The following CFAP299 variants were observed in gnomAD, a reference collection of about 807,000 sequenced individuals.
CFAP299 encodes cilia- and flagella-associated protein 299.
CFAP299 carries 21 observed loss-of-function variants against 27.0 expected under a neutral mutation model. That is an observed-to-expected ratio of 0.78 (90% CI 0.55 to 1.12). CFAP299 has a LOEUF of 1.12. Among genes scored for constraint, CFAP299 ranks in the 50% most tolerant of loss-of-function variants. The pLI is 0.00. For missense variants in CFAP299, 310 were observed against 276.6 expected (o/e 1.12, Z -0.86); for synonymous variants, 104 against 98.1 (o/e 1.06, Z -0.36).
chr4:80,766,426 C>A (rs989019014), intron 3 of CFAP299, among the ~76,000 whole-genome samples: 1 of 152,108 alleles, frequency 6.6e-6, no homozygotes, highest in Non-Finnish European at 1.5e-5. Flanking sequence ...ATCTCCTTTA[C>A]AAAGATACAA....
intron 3 of CFAP299, among the ~76,000 whole-genome samples, chr4:80,781,091 G>A (rs1726850327): frequency 6.6e-6 from 1 of 151,780 alleles, no homozygotes; most frequent in South Asian, 2.1e-4. Context: ...AGTATATTAG[G>A]TAAAGAAAGA....
chr4:80,581,737 C>T (rs1238106360), intron 2 of CFAP299, among the ~76,000 whole-genome samples: 1 of 151,646 alleles, frequency 6.6e-6, no homozygotes, highest in African/African-American at 2.4e-5. Context: ...TCATCTCTTT[C>T]TAAAGGTTTG....
Position 80,777,073 on chromosome 4 carries a change from G to T in CFAP299, c.334-92920G>T, listed in dbSNP as rs148994722. 2.5e-3 allele frequency among the ~76,000 whole-genome samples: 377 copies of T among 151,742 alleles called. 1 individual carries two copies. The highest frequency in any genetic ancestry group is 8.3e-3 in the African/African-American group (341 of 41,314). ...ACACACTCAAATTTGATTATTTATT[G>T]CTTCCTGAAGGATGGCTCCCCAGAT... On this transcript the variant is annotated intron_variant, in intron 3 of 5. Transcript: ENST00000358105.
intron 3 of CFAP299, among the ~76,000 whole-genome samples, chr4:80,595,508 T>C (rs1307120617): frequency 2.6e-5 from 4 of 152,220 alleles, no homozygotes; most frequent in Admixed American, 6.5e-5. Flanking sequence ...AATTTGTATG[T>C]ATCTGTTGCT....
chr4:80,340,333 C>A (rs938192745), intron 1 of CFAP299, among the ~76,000 whole-genome samples: 16 of 152,156 alleles, frequency 1.1e-4, no homozygotes, highest in African/African-American at 3.9e-4. Flanking sequence ...GCCACTTTAC[C>A]AGGGCCTTCC....
the CFAP299 span, among the ~76,000 whole-genome samples, chr4:80,324,070 C>A: frequency 6.6e-6 from 1 of 152,138 alleles, no homozygotes; most frequent in African/African-American, 2.4e-5. Context: ...CTGCTCCTAT[C>A]AACCCGTCAT....
chr4:80,638,177 A>G (rs546647200), intron 3 of CFAP299, among the ~76,000 whole-genome samples: 14 of 152,284 alleles, frequency 9.2e-5, no homozygotes, highest in Middle Eastern at 6.8e-3. Flanking sequence ...GTAGACCAGA[A>G]ACAAGTAACT....
At chr4:80,413,261 G>T (rs1055966386) in intron 2 of CFAP299, among the ~76,000 whole-genome samples, 1 of 152,164 alleles carries the variant, frequency 6.6e-6, no homozygotes, top group Non-Finnish European at 1.5e-5. Context: ...ATTGACTATG[G>T]TGCTGGCTGT....
At chr4:80,662,411 G>GA (rs5859731) in intron 3 of CFAP299, among the ~76,000 whole-genome samples, 24 of 143,978 alleles carry the variant, frequency 1.7e-4, no homozygotes, top group African/African-American at 2.6e-4. Context: ...AATTTCCCCC[G>GA]AAAAAAAAAA....
rs545276405 is a variant in CFAP299, at chr4:80,430,864, C to A, written c.242+67980C>A. 4.5e-4 allele frequency among the ~76,000 whole-genome samples: 69 copies of A among 152,356 alleles called. 1 individual carries two copies. The highest frequency in any genetic ancestry group is 1.6e-3 in the African/African-American group (67 of 41,594). On this transcript the variant is annotated intron_variant, in intron 2 of 5. Transcript: ENST00000358105. Reference sequence around the variant, plus strand: ...TAGCCCTAGCTTTCTCCGCTTCAGCCATTCTAGCCTCTTTGCTGTTCCTTT... The same window carrying A: ...TAGCCCTAGCTTTCTCCGCTTCAGCAATTCTAGCCTCTTTGCTGTTCCTTT...
chr4:80,563,164 A>C (rs1735122910), intron 2 of CFAP299, among the ~76,000 whole-genome samples: 1 of 152,070 alleles, frequency 6.6e-6, no homozygotes, highest in Non-Finnish European at 1.5e-5. Flanking sequence ...ACAACAAAAA[A>C]ATCAGACTTA....
At chr4:80,324,939 A>G in the CFAP299 span, among the ~76,000 whole-genome samples, 2 of 152,186 alleles carry the variant, frequency 1.3e-5, no homozygotes, top group Admixed American at 6.5e-5. Flanking sequence ...CCTGGCCAAC[A>G]TGGCAAAACC....
intron 3 of CFAP299, among the ~76,000 whole-genome samples, chr4:80,773,029 A>T (rs1286728144): frequency 6.6e-6 from 1 of 152,192 alleles, no homozygotes; most frequent in South Asian, 2.1e-4. Context: ...CTATGCAGCC[A>T]TAAGAAAGAA....
In CFAP299 at chr4:80,954,916, C is replaced by T. The variant is rs558906959; in HGVS notation, c.607-8601C>T. Among the ~76,000 whole-genome samples, 516 of 133,752 alleles carry T rather than the reference C, an allele frequency of 3.9e-3. 2 individuals carry two copies. The highest frequency in any genetic ancestry group is 5.9e-3 in the Non-Finnish European group (385 of 65,024). The allele number at this position is 133,752 out of a possible 152,430, so 87.7% of individuals were successfully genotyped here. A position where few individuals can be genotyped will look rare whatever the true frequency, so the allele number is the denominator to read the frequency against. ...TTGGGAGGCTGAGGCAGGAGAATGG[C>T]GTGAACCCAGGAGACGGAGCTTGCA... On this transcript the variant is annotated intron_variant, in intron 5 of 5. Transcript: ENST00000358105.
intron 4 of CFAP299, among the ~76,000 whole-genome samples, chr4:80,907,927 G>A (rs1214574491): frequency 6.6e-6 from 1 of 152,094 alleles, no homozygotes; most frequent in Non-Finnish European, 1.5e-5. Context: ...AAAGCTTAAG[G>A]GCCTCCATCA....
intron 4 of CFAP299, chr4:80,871,758 T>C: frequency 2.0e-6 from 1 of 511,322 alleles, no homozygotes; most frequent in Non-Finnish European, 2.5e-6. Flanking sequence ...CTTTATCTGA[T>C]ACCATTTTTA....
chr4:80,738,662 CTTT>C (rs35802332), intron 3 of CFAP299, among the ~76,000 whole-genome samples: 1 of 141,686 alleles, frequency 7.1e-6, no homozygotes. Context: ...ATCATTGGGT[CTTT>C]TTTTTTTTTA....
At chr4:80,958,099 G>C (rs1283303726) in intron 5 of CFAP299, among the ~76,000 whole-genome samples, 1 of 152,006 alleles carries the variant, frequency 6.6e-6, no homozygotes, top group African/African-American at 2.4e-5. Flanking sequence ...AACTCTGTCC[G>C]TAAGATTTCA....
At chr4:80,457,674 AAGAT>A (rs1334616820) in intron 2 of CFAP299, among the ~76,000 whole-genome samples, 1 of 152,092 alleles carries the variant, frequency 6.6e-6, no homozygotes, top group Non-Finnish European at 1.5e-5. Flanking sequence ...GGAGCATTTT[AAGAT>A]GTTTTTCGGG....
Sources: allele counts gnomAD v4.1 joint callset (sites outside exome capture counted in the v4.1 genomes callset), GRCh38; gene constraint gnomAD v4.1.1; transcripts MANE v1.5; gene names NCBI Gene and HGNC (gene_info 2026-07-23, HGNC 2026-07-21).